NFYC: variants seen among roughly 807,000 people sequenced by gnomAD.
NFYC encodes the protein CAAT box DNA-binding protein subunit C.
In NFYC, 25 loss-of-function variants were observed where a neutral mutation model predicts 53.1. The ratio of observed to expected loss-of-function variants is 0.47; its 90% CI spans 0.34 to 0.66. NFYC has a LOEUF of 0.66. NFYC is among the 30% of genes least tolerant of loss of function. The pLI is 0.01. For missense variants in NFYC, 260 were observed against 422.7 expected, an observed-to-expected ratio of 0.62 and a Z score of 3.38; for synonymous variants, 145 against 152.6, an observed-to-expected ratio of 0.95 and a Z score of 0.37.
chr1:40,740,608 T>C (rs1263784266), intron 2 of NFYC, among the ~76,000 whole-genome samples: 3 of 152,178 alleles, frequency 2.0e-5, no homozygotes, highest in African/African-American at 7.2e-5. Context: ...TTCTGCAGTC[T>C]AAGGTAGTAG....
intron 1 of NFYC, among the ~76,000 whole-genome samples, chr1:40,706,723 TA>T (rs1643709368): frequency 6.6e-6 from 1 of 152,152 alleles, no homozygotes; most frequent in Admixed American, 6.6e-5. Flanking sequence ...AGCTGCCTCT[TA>T]AAAAACCGAA....
In NFYC at chr1:40,759,862, G is replaced by A. The variant is rs1646450493; in HGVS notation, c.561+1568G>A. Among the ~76,000 whole-genome samples the A allele has an allele frequency of 3.9e-5, 6 of 152,192 alleles. No individual in the cohort carries two copies. The South Asian group carries it at 1.2e-3, about 32-fold the overall frequency. ...GGGACCATCTACGCAAGTTTGGAAA[G>A]ATAGATAGTAAACACATCCTGGACA... On this transcript the variant is annotated intron_variant, in intron 6 of 9. Coordinates refer to ENST00000447388, the MANE Select transcript of NFYC (RefSeq NM_014223.5).
intron 1 of NFYC, among the ~76,000 whole-genome samples, chr1:40,733,029 T>TC (rs1644849777): frequency 7.2e-6 from 1 of 139,736 alleles, no homozygotes; most frequent in African/African-American, 2.6e-5. Flanking sequence ...CTTTTTTTTT[T>TC]TTCCTGAAAG....
chr1:40,767,135 GA>G (rs1646854284), intron 8 of NFYC: 2 of 675,392 alleles, frequency 3.0e-6, no homozygotes, highest in Non-Finnish European at 5.2e-6. Context: ...TCCCTAACCA[GA>G]AAAATTGCCC....
chr1:40,761,535 T>G (rs1238452380), intron 6 of NFYC, among the ~76,000 whole-genome samples: 3 of 152,192 alleles, frequency 2.0e-5, no homozygotes, highest in African/African-American at 7.2e-5. Flanking sequence ...TAGGCTGAGT[T>G]GAAAATTGTG....
At chr1:40,729,967 C>T (rs977180028) in intron 1 of NFYC, among the ~76,000 whole-genome samples, 11 of 152,082 alleles carry the variant, frequency 7.2e-5, no homozygotes, top group Non-Finnish European at 1.3e-4. Context: ...TGAGCCACCG[C>T]GCCCAGCCCC....
intron 2 of NFYC, among the ~76,000 whole-genome samples, chr1:40,746,240 A>G (rs1420679015): frequency 6.6e-6 from 1 of 152,224 alleles, no homozygotes; most frequent in Non-Finnish European, 1.5e-5. Flanking sequence ...AAAGGAAAAG[A>G]TGAAAAATTG....
chr1:40,749,974 G>A (rs1453939186), intron 4 of NFYC, among the ~76,000 whole-genome samples: 1 of 152,086 alleles, frequency 6.6e-6, no homozygotes, highest in Non-Finnish European at 1.5e-5. Flanking sequence ...TTTTCCCTTG[G>A]TGAGCCCTCA....
intron 4 of NFYC, among the ~76,000 whole-genome samples, chr1:40,750,995 A>G (rs1645882935): frequency 6.6e-6 from 1 of 152,218 alleles, no homozygotes; most frequent in Admixed American, 6.5e-5. Context: ...ACATTTTCTG[A>G]TAAACATATC....
intron 5 of NFYC, among the ~76,000 whole-genome samples, chr1:40,753,496 T>A (rs1646029990): frequency 6.6e-6 from 1 of 152,256 alleles, no homozygotes; most frequent in Non-Finnish European, 1.5e-5. Context: ...AATGGTAAAG[T>A]TAAGCTCATT....
intron 3 of NFYC, among the ~76,000 whole-genome samples, chr1:40,749,357 A>G (rs1047004067): frequency 7.9e-5 from 12 of 152,178 alleles, no homozygotes; most frequent in Non-Finnish European, 1.3e-4. Context: ...CACCTTGCAC[A>G]AGGTTTGGCG....
At chr1:40,729,922 C>T (rs548945532) in intron 1 of NFYC, among the ~76,000 whole-genome samples, 27 of 152,174 alleles carry the variant, frequency 1.8e-4, no homozygotes, top group African/African-American at 4.8e-4. Flanking sequence ...GTGATCCACC[C>T]GCCTCGGCCT....
chr1:40,697,322 A>G (rs1035087566), intron 1 of NFYC, among the ~76,000 whole-genome samples: 2 of 152,332 alleles, frequency 1.3e-5, no homozygotes, highest in South Asian at 2.1e-4. Context: ...TCTGCAATAT[A>G]CAGTAAGATT....
chr1:40,731,858 T>A (rs1355270279), intron 1 of NFYC, among the ~76,000 whole-genome samples: 1 of 152,220 alleles, frequency 6.6e-6, no homozygotes, highest in Admixed American at 6.5e-5. Context: ...ATATTAGAAG[T>A]GTCTTGATCT....
At chr1:40,741,222 A>T (rs887620701) in intron 2 of NFYC, among the ~76,000 whole-genome samples, 1 of 152,126 alleles carries the variant, frequency 6.6e-6, no homozygotes, top group Non-Finnish European at 1.5e-5. Flanking sequence ...AACGATGTGC[A>T]TTCAGTAGCA....
At chr1:40,767,480 A>G (rs1254178787) in intron 8 of NFYC, among the ~76,000 whole-genome samples, 1 of 152,116 alleles carries the variant, frequency 6.6e-6, no homozygotes, top group Non-Finnish European at 1.5e-5. Context: ...TCTGAGTTCC[A>G]TATAGTCTCT....
intron 5 of NFYC, 59 bp downstream of exon 5, chr1:40,753,305 C>G (rs1477226675): frequency 2.7e-6 from 3 of 1,112,466 alleles, no homozygotes; most frequent in Non-Finnish European, 4.1e-6. Flanking sequence ...ATACTGGTGT[C>G]AGATACGCTC....
At chr1:40,725,688 T>C (rs1644485415) in intron 1 of NFYC, among the ~76,000 whole-genome samples, 1 of 152,230 alleles carries the variant, frequency 6.6e-6, no homozygotes, top group African/African-American at 2.4e-5. Context: ...ATTTAAAATA[T>C]AACATCTTAC....
intron 1 of NFYC, chr1:40,692,111 C>A (rs547315529): frequency 5.2e-6 from 1 of 192,352 alleles, no homozygotes. Context: ...TGGCGGAAGG[C>A]GACGGCGGGG....
Sources: allele counts gnomAD v4.1 joint callset (sites outside exome capture counted in the v4.1 genomes callset), GRCh38; gene constraint gnomAD v4.1.1; transcripts MANE v1.5; gene names NCBI Gene and HGNC (gene_info 2026-07-23, HGNC 2026-07-21).